The following RCSD1 variants were observed in gnomAD, a reference collection of about 807,000 sequenced individuals.
The protein encoded by RCSD1 is RCSD domain containing 1.
A neutral mutation model predicts 42.5 loss-of-function variants in RCSD1; 26 were observed. The observed-to-expected ratio is 0.61, with a 90% CI of 0.45 to 0.85. RCSD1 has a LOEUF of 0.85. Ranked by LOEUF, RCSD1 falls within the 40% of genes least tolerant of loss-of-function variation. The probability of loss-of-function intolerance (pLI) is 0.00; values close to 1 mark genes in which losing one functional copy is unlikely to be tolerated. For missense variants in RCSD1, 571 were observed against 528.3 expected, an observed-to-expected ratio of 1.08 and a Z score of -0.79; for synonymous variants, 220 against 212.2, an observed-to-expected ratio of 1.04 and a Z score of -0.32.
chr1:167,673,506 G>A (rs1348054893), intron 1 of RCSD1, among the ~76,000 whole-genome samples: 2 of 152,290 alleles, frequency 1.3e-5, no homozygotes, highest in Non-Finnish European at 2.9e-5. Context: ...GTGAGTGTTG[G>A]CTATGATGGC....
At chr1:167,696,199 C>T (rs895005413) in intron 5 of RCSD1, among the ~76,000 whole-genome samples, 1 of 151,898 alleles carries the variant, frequency 6.6e-6, no homozygotes, top group African/African-American at 2.4e-5. Flanking sequence ...CTTCTCGGTG[C>T]GATTCATCTT....
chr1:167,677,255 A>G (rs1475964093), intron 1 of RCSD1, among the ~76,000 whole-genome samples: 1 of 152,190 alleles, frequency 6.6e-6, no homozygotes, highest in African/African-American at 2.4e-5. Flanking sequence ...TACAGTGTCT[A>G]CAGATGCTCA....
chr1:167,657,914 CAT>C (rs935080921), intron 1 of RCSD1, among the ~76,000 whole-genome samples: 18 of 148,114 alleles, frequency 1.2e-4, no homozygotes, highest in East Asian at 7.7e-4. Context: ...CACACACACA[CAT>C]GCACGTTTTA....
chr1:167,674,577 T>C (rs1352032883), intron 1 of RCSD1, among the ~76,000 whole-genome samples: 1 of 152,220 alleles, frequency 6.6e-6, no homozygotes, highest in Non-Finnish European at 1.5e-5. Flanking sequence ...TTTTAGAACA[T>C]TTTCATCACT....
intron 6 of RCSD1, among the ~76,000 whole-genome samples, chr1:167,698,802 T>G (rs1321749580): frequency 6.7e-6 from 1 of 148,916 alleles, no homozygotes; most frequent in Non-Finnish European, 1.5e-5. Flanking sequence ...TTTGTTTTTG[T>G]TTTTGTTTTT....
At chr1:167,634,420 G>T (rs1657780748) in intron 1 of RCSD1, among the ~76,000 whole-genome samples, 1 of 151,444 alleles carries the variant, frequency 6.6e-6, no homozygotes, top group South Asian at 2.1e-4. Flanking sequence ...TGTTGGTTTT[G>T]ATTGTTCTAA....
chr1:167,651,367 C>T lies in RCSD1; in HGVS notation c.6+20938C>T, dbSNP rs79341370. Among the ~76,000 whole-genome samples the T allele has an allele frequency of 8.4e-3, 1,279 of 152,302 alleles. 14 individuals are homozygous for T. Among genetic ancestry groups the T allele is most frequent in the African/African-American group, 0.029 (1,223 of 41,554 alleles). ...TCTGTACTGGAGTTCTGGGTCCCAC[C>T]TTTCCCTTCATGCCTGGCTCCTTCT... is the stretch of plus-strand genomic sequence containing the variant. On this transcript the variant is annotated intron_variant, in intron 1 of 6. Transcript: ENST00000367854.
chr1:167,675,415 G>A (rs1015508371), intron 1 of RCSD1, among the ~76,000 whole-genome samples: 4 of 152,074 alleles, frequency 2.6e-5, no homozygotes, highest in African/African-American at 7.2e-5. Flanking sequence ...CAGATTTCAT[G>A]AGACTTATTC....
At chr1:167,653,635 G>T (rs187085343) in intron 1 of RCSD1, among the ~76,000 whole-genome samples, 39 of 152,310 alleles carry the variant, frequency 2.6e-4, no homozygotes, top group Non-Finnish European at 5.1e-4. Context: ...AAAGGCTAGG[G>T]TACCTACCTT....
chr1:167,642,474 T>C lies in RCSD1; in HGVS notation c.6+12045T>C, dbSNP rs1335579989. On this transcript the variant is annotated intron_variant, in intron 1 of 6. Coordinates refer to ENST00000367854, the MANE Select transcript of RCSD1 (RefSeq NM_052862.4). ...GCTGTTCTTCATGCTTTGGGGGTGA[T>C]TGAGAGAGGCAAGTAGGTTTGAACG... 3.3e-5 allele frequency among the ~76,000 whole-genome samples: 5 copies of C among 152,310 alleles called. No individual in the cohort carries two copies. In the East Asian group the frequency reaches 7.7e-4, roughly 24 times the overall value.
intron 6 of RCSD1, among the ~76,000 whole-genome samples, chr1:167,699,852 G>A (rs945946280): frequency 2.0e-5 from 3 of 152,196 alleles, no homozygotes; most frequent in South Asian, 2.1e-4. Context: ...TTACAGGGCC[G>A]CTTCTTACCC....
chr1:167,630,457 G>A (rs1357138772), intron 1 of RCSD1, 28 bp downstream of exon 1: 1 of 1,529,388 alleles, frequency 6.5e-7, no homozygotes, highest in Admixed American at 2.0e-5. Context: ...GAGACGCGGG[G>A]CTGAGCGGTG....
intron 5 of RCSD1, among the ~76,000 whole-genome samples, chr1:167,695,160 G>A (rs1309237137): frequency 6.6e-6 from 1 of 152,262 alleles, no homozygotes; most frequent in African/African-American, 2.4e-5. Context: ...GCTTGAGCCT[G>A]CCGGCTAGGG....
intron 1 of RCSD1, among the ~76,000 whole-genome samples, chr1:167,653,410 G>A (rs555738276): frequency 1.3e-5 from 2 of 152,320 alleles, no homozygotes; most frequent in Admixed American, 1.3e-4. Flanking sequence ...TTAGAGTCCT[G>A]GGGGGAGAGT....
At chr1:167,649,245 T>C in intron 1 of RCSD1, among the ~76,000 whole-genome samples, 1 of 152,022 alleles carries the variant, frequency 6.6e-6, no homozygotes, top group East Asian at 1.9e-4. Context: ...AAGAGGACAG[T>C]GTGCAGGATC....
chr1:167,689,494 A>AG (rs796872727), intron 3 of RCSD1, among the ~76,000 whole-genome samples: 13,640 of 149,170 alleles, frequency 0.091, 2,150 homozygotes, highest in African/African-American at 0.32. Context: ...AAAAAAAAAA[A>AG]AAAGAAAAGA....
At chr1:167,639,972 A>G (rs1395569790) in intron 1 of RCSD1, among the ~76,000 whole-genome samples, 1 of 152,180 alleles carries the variant, frequency 6.6e-6, no homozygotes, top group East Asian at 1.9e-4. Context: ...ATCCCCTCAC[A>G]AAGGCCTGAA....
intron 1 of RCSD1, among the ~76,000 whole-genome samples, chr1:167,660,222 T>C (rs1047437915): frequency 1.3e-5 from 2 of 152,204 alleles, no homozygotes; most frequent in African/African-American, 4.8e-5. Context: ...AGGCCCCTGA[T>C]GCTTACAGAG....
At chr1:167,674,173 T>A (rs1163282699) in intron 1 of RCSD1, among the ~76,000 whole-genome samples, 2 of 152,238 alleles carry the variant, frequency 1.3e-5, no homozygotes, top group African/African-American at 4.8e-5. Flanking sequence ...AGCCATGGAC[T>A]GAGTGCCCCC....
Sources: gnomAD v4.1 joint callset for allele counts (sites outside exome capture counted in the v4.1 genomes callset) on GRCh38, gnomAD v4.1.1 for gene constraint, MANE v1.5 for transcripts, NCBI Gene and HGNC (gene_info 2026-07-23, HGNC 2026-07-21) for gene names.